Variants in ANKS1B observed in about 807,000 individuals in gnomAD.
ANKS1B encodes ankyrin repeat and sterile alpha motif domain-containing protein 1B.
Under a neutral mutation model 148.3 loss-of-function variants are expected in ANKS1B, and 36 were observed. The ratio of observed to expected loss-of-function variants is 0.24; its 90% confidence interval spans 0.19 to 0.32. ANKS1B has a LOEUF of 0.32. Among genes scored for constraint, ANKS1B ranks in the 10% least tolerant of loss-of-function variants. The pLI, the probability that ANKS1B is intolerant of heterozygous loss-of-function variation, is 1.00. For synonymous variants in ANKS1B, 542 were observed against 560.8 expected (o/e 0.97, Z 0.47); for missense variants, 1,157 against 1,542.6 (o/e 0.75, Z 4.19).
At chr12:98,967,507 C>G (rs1323652516) in intron 17 of ANKS1B, among the ~76,000 whole-genome samples, 1 of 151,458 alleles carries the variant, frequency 6.6e-6, no homozygotes, top group African/African-American at 2.4e-5. Flanking sequence ...TACTGGTGTT[C>G]TGGTGCTGTG....
chr12:99,332,577 A>C (rs1330001193), intron 12 of ANKS1B, among the ~76,000 whole-genome samples: 1 of 151,912 alleles, frequency 6.6e-6, no homozygotes, highest in African/African-American at 2.4e-5. Flanking sequence ...AATGCTAAAA[A>C]CGTGTACCTG....
At chr12:99,309,362 T>C (rs1466695224) in intron 12 of ANKS1B, among the ~76,000 whole-genome samples, 3 of 152,062 alleles carry the variant, frequency 2.0e-5, no homozygotes, top group East Asian at 1.9e-4. Context: ...GTTAATGTTA[T>C]GTTTTTTTCC....
chr12:99,627,943 G>T (rs992214716), intron 9 of ANKS1B, among the ~76,000 whole-genome samples: 3 of 152,044 alleles, frequency 2.0e-5, no homozygotes, highest in Non-Finnish European at 4.4e-5. Flanking sequence ...TACCCATCTC[G>T]CATTCCACAA....
intron 12 of ANKS1B, among the ~76,000 whole-genome samples, chr12:99,344,546 T>C (rs762390381): frequency 9.2e-5 from 14 of 152,014 alleles, no homozygotes; most frequent in Non-Finnish European, 1.8e-4. Context: ...AAGAACGAAT[T>C]TGTGGTTTTA....
At chr12:99,073,145 C>G (rs1333055395) in intron 16 of ANKS1B, among the ~76,000 whole-genome samples, 1 of 152,070 alleles carries the variant, frequency 6.6e-6, no homozygotes, top group Non-Finnish European at 1.5e-5. Context: ...AAATATTGAC[C>G]CATTTAATTC....
intron 15 of ANKS1B, among the ~76,000 whole-genome samples, chr12:99,154,073 A>G (rs1369250670): frequency 6.6e-6 from 1 of 152,200 alleles, no homozygotes; most frequent in African/African-American, 2.4e-5. Flanking sequence ...CATTCATATA[A>G]CACATATGTA....
At chr12:99,797,026 T>C (rs1396368006) in intron 4 of ANKS1B, among the ~76,000 whole-genome samples, 1 of 151,954 alleles carries the variant, frequency 6.6e-6, no homozygotes, top group Non-Finnish European at 1.5e-5. Flanking sequence ...AACTGTCAAA[T>C]GGAATGGATT....
intron 15 of ANKS1B, among the ~76,000 whole-genome samples, chr12:99,108,364 G>T (rs193200281): frequency 6.6e-6 from 1 of 152,192 alleles, no homozygotes; most frequent in Non-Finnish European, 1.5e-5. Flanking sequence ...AATGTCCCCA[G>T]TAGTCAGCAC....
At chr12:99,453,041 A>G (rs1217879759) in intron 10 of ANKS1B, among the ~76,000 whole-genome samples, 1 of 152,208 alleles carries the variant, frequency 6.6e-6, no homozygotes, top group Admixed American at 6.5e-5. Flanking sequence ...CTGTAATCCT[A>G]GCACTTTGGG....
chr12:98,934,040 C>G (rs2099816226), intron 17 of ANKS1B, among the ~76,000 whole-genome samples: 1 of 151,904 alleles, frequency 6.6e-6, no homozygotes, highest in Non-Finnish European at 1.5e-5. Context: ...TGTTTTTGTT[C>G]CCTGTGCCTT....
chr12:99,410,485 C>T (rs547165791), intron 11 of ANKS1B, among the ~76,000 whole-genome samples: 5 of 152,118 alleles, frequency 3.3e-5, no homozygotes, highest in South Asian at 2.1e-4. Flanking sequence ...CCGGCTAACA[C>T]GGTGAAACCC....
rs536919578 is a variant in ANKS1B, at chr12:99,826,340, A to C, written c.135-951T>G. ...TAAGATAATCAAGGTACCAGACAGC[A>C]CACAGGCATCTCTGAAAAGAGAATG... On this transcript the variant is annotated intron_variant, in intron 1 of 26. Coordinates refer to ENST00000683438, the MANE Select transcript of ANKS1B (RefSeq NM_001352186.2). Among the ~76,000 whole-genome samples, 6 of 152,360 alleles carry C rather than the reference A, an allele frequency of 3.9e-5. 1 individual carries two copies. The South Asian group carries it at 1.2e-3, about 32-fold the overall frequency.
chr12:98,924,296 G>A (rs1028922708), intron 17 of ANKS1B, among the ~76,000 whole-genome samples: 1 of 152,152 alleles, frequency 6.6e-6, no homozygotes, highest in Admixed American at 6.5e-5. Flanking sequence ...TAGACTTCCC[G>A]GGCCTAAAGG....
intron 8 of ANKS1B, among the ~76,000 whole-genome samples, chr12:99,669,314 G>C (rs1352310535): frequency 6.6e-6 from 1 of 152,176 alleles, no homozygotes; most frequent in Non-Finnish European, 1.5e-5. Flanking sequence ...GGGACTACAG[G>C]AATGTCCCAC....
intron 17 of ANKS1B, chr12:98,976,726 C>A (rs1302562673): frequency 1.3e-5 from 2 of 152,126 alleles, no homozygotes; most frequent in African/African-American, 4.8e-5. Flanking sequence ...ACACACATGG[C>A]TCAGGGAAAC....
At chr12:99,575,661 G>A (rs1176121487) in intron 9 of ANKS1B, among the ~76,000 whole-genome samples, 1 of 151,896 alleles carries the variant, frequency 6.6e-6, no homozygotes, top group Non-Finnish European at 1.5e-5. Context: ...AGAACAGTAT[G>A]GGGAAAAACA....
intron 9 of ANKS1B, among the ~76,000 whole-genome samples, chr12:99,573,965 C>T (rs1379592796): frequency 6.6e-6 from 1 of 151,864 alleles, no homozygotes; most frequent in African/African-American, 2.4e-5. Flanking sequence ...AAGAGATATT[C>T]CAGTCTGCCT....
chr12:99,717,493 A>C (rs540412629), intron 8 of ANKS1B, among the ~76,000 whole-genome samples: 2 of 152,296 alleles, frequency 1.3e-5, no homozygotes, highest in South Asian at 4.1e-4. Flanking sequence ...CAGGCCAAGG[A>C]ATGCCCACAG....
intron 9 of ANKS1B, among the ~76,000 whole-genome samples, chr12:99,523,697 C>T (rs555688120): frequency 6.6e-5 from 10 of 151,742 alleles, no homozygotes; most frequent in South Asian, 2.1e-4. Context: ...GGACCACAGG[C>T]GCCCGCCACC....
Sources: gnomAD v4.1 joint callset for allele counts (sites outside exome capture counted in the v4.1 genomes callset) on GRCh38, gnomAD v4.1.1 for gene constraint, MANE v1.5 for transcripts, NCBI Gene and HGNC (gene_info 2026-07-23, HGNC 2026-07-21) for gene names.